RAB40C: variants seen among roughly 807,000 people sequenced by gnomAD.
RAB40C encodes ras-related protein Rab-40C.
Under a neutral mutation model 28.1 loss-of-function variants are expected in RAB40C, and 8 were observed. That is an observed-to-expected ratio of 0.28 (90% confidence interval 0.17 to 0.51). The LOEUF is 0.51. RAB40C is among the 20% of genes least tolerant of loss of function. RAB40C has a pLI of 0.97. For synonymous variants in RAB40C, 201 were observed against 171.7 expected (o/e 1.17, Z -1.34); for missense variants, 288 against 405.9 (o/e 0.71, Z 2.50).
In RAB40C at chr16:629,171, C is replaced by T. The variant is rs1422780045; in HGVS notation, c.*1549C>T. ...TTGAGGACCTGGATGGTCCTGCATT[C>T]ACGGCATCAACACTACCCGCGCTGC... On this transcript the variant is annotated 3_prime_UTR_variant, in exon 6 of 6. Transcript: ENST00000248139. 1 of 210,324 alleles carries T rather than the reference C, an allele frequency of 4.8e-6. No individual in the cohort carries two copies. The highest frequency in any genetic ancestry group is 2.3e-5 in the African/African-American group (1 of 44,160). 13.0% of individuals were successfully genotyped at this position (210,324 alleles called of 1,614,324 possible). A position where few individuals can be genotyped will look rare whatever the true frequency, so the allele number is the denominator to read the frequency against.
intron 1 of RAB40C, among the ~76,000 whole-genome samples, chr16:600,519 G>A (rs763124385): frequency 1.3e-5 from 2 of 152,198 alleles, no homozygotes; most frequent in Admixed American, 6.5e-5. Context: ...TTGGGAGGCC[G>A]AGGCGGGCGG....
intron 1 of RAB40C, among the ~76,000 whole-genome samples, chr16:609,486 C>A (rs183495468): frequency 6.6e-5 from 10 of 152,034 alleles, no homozygotes; most frequent in Admixed American, 6.6e-5. Flanking sequence ...GAGACGCCGC[C>A]GAGAGCCCCA....
chr16:613,207 C>T (rs1428238783), intron 1 of RAB40C, among the ~76,000 whole-genome samples: 2 of 138,058 alleles, frequency 1.4e-5, no homozygotes, highest in East Asian at 4.3e-4. Flanking sequence ...GTAGAATCAG[C>T]AGGGACAGCC....
rs966604529 is a variant in RAB40C at position 590,118 on chromosome 16, A to C, written c.-174A>C. On this transcript the variant is annotated 5_prime_UTR_variant, in exon 1 of 6. Transcript: ENST00000248139. ...AAGCGGCGGGGCGGCGGCGAGGCTG[A>C]GGTGCGCCCGGGCGCGGGCGGGGCG... 1.6e-5 allele frequency: 3 copies of C among 189,108 alleles called. No individual in the cohort carries two copies. Among genetic ancestry groups the C allele is most frequent in the African/African-American group, 8.1e-5 (3 of 37,164 alleles). The allele number at this position is 189,108 out of a possible 1,614,324, so 11.7% of individuals were successfully genotyped here.
intron 3 of RAB40C, among the ~76,000 whole-genome samples, chr16:622,672 A>C (rs190463874): frequency 2.0e-5 from 3 of 152,036 alleles, no homozygotes; most frequent in African/African-American, 7.2e-5. Context: ...CGTCCAGCTA[A>C]TTTTTGTATT....
At chr16:621,254 T>A (rs2036709956) in intron 3 of RAB40C, among the ~76,000 whole-genome samples, 1 of 152,212 alleles carries the variant, frequency 6.6e-6, no homozygotes, top group Non-Finnish European at 1.5e-5. Context: ...AGCCCTGTCC[T>A]GTGTCTCTCC....
At chr16:618,989 C>T (rs1322735593) in intron 3 of RAB40C, among the ~76,000 whole-genome samples, 3 of 101,084 alleles carry the variant, frequency 3.0e-5, no homozygotes, top group African/African-American at 9.2e-5. Context: ...ACAGGTCTGG[C>T]GGACGCACTG....
intron 1 of RAB40C, among the ~76,000 whole-genome samples, chr16:605,441 G>A (rs1460275252): frequency 6.6e-6 from 1 of 152,204 alleles, no homozygotes; most frequent in Non-Finnish European, 1.5e-5. Flanking sequence ...GCCTGAGAAA[G>A]CATCAGCCCT....
intron 1 of RAB40C, among the ~76,000 whole-genome samples, chr16:591,834 A>T (rs1238394920): frequency 1.3e-5 from 2 of 152,094 alleles, no homozygotes; most frequent in East Asian, 3.8e-4. Flanking sequence ...TGACCTCATG[A>T]TCTGCCCACC....
chr16:589,967 C>T (rs1483408222), upstream of RAB40C: 1 of 91,806 alleles, frequency 1.1e-5, no homozygotes, highest in African/African-American at 4.2e-5. Context: ...TGTGGAACGC[C>T]GTGAGGGCGG....
chr16:592,276 C>T (rs918058019), intron 1 of RAB40C, among the ~76,000 whole-genome samples: 8 of 152,194 alleles, frequency 5.3e-5, no homozygotes, highest in Admixed American at 1.3e-4. Context: ...AGAGTGTGGG[C>T]GCAGCATCCC....
chr16:590,821 G>A (rs570890071), intron 1 of RAB40C, among the ~76,000 whole-genome samples: 2 of 151,818 alleles, frequency 1.3e-5, no homozygotes, highest in South Asian at 2.1e-4. Flanking sequence ...GGATCATCTG[G>A]GGTCCGAGGG....
intron 1 of RAB40C, among the ~76,000 whole-genome samples, chr16:613,322 C>A (rs1423764779): frequency 6.6e-6 from 1 of 152,068 alleles, no homozygotes; most frequent in African/African-American, 2.4e-5. Context: ...GGACAGCCGC[C>A]CTCGCCTGTA....
chr16:600,081 T>C (rs1360361854), intron 1 of RAB40C, among the ~76,000 whole-genome samples: 1 of 152,226 alleles, frequency 6.6e-6, no homozygotes, highest in East Asian at 1.9e-4. Flanking sequence ...TTTTGTTCCC[T>C]TGTGGCATCA....
At chr16:604,568 A>C (rs1016270263) in intron 1 of RAB40C, among the ~76,000 whole-genome samples, 7 of 151,214 alleles carry the variant, frequency 4.6e-5, no homozygotes, top group South Asian at 2.1e-4. Flanking sequence ...AGTCTTTCTG[A>C]AGGTGTTTCT....
At chr16:622,473 G>A (rs928876535) in intron 3 of RAB40C, among the ~76,000 whole-genome samples, 2 of 149,736 alleles carry the variant, frequency 1.3e-5, no homozygotes, top group Admixed American at 6.6e-5. Context: ...CAGGGCGAGC[G>A]CGCGTCCTGA....
chr16:623,181 G>A (rs1406001146), intron 3 of RAB40C, among the ~76,000 whole-genome samples: 1 of 152,260 alleles, frequency 6.6e-6, no homozygotes, highest in Non-Finnish European at 1.5e-5. Context: ...CATCAGCCGG[G>A]AGGCGGGCCT....
In RAB40C at chr16:624,377, C is replaced by T. The variant is rs2036783304; in HGVS notation, c.265-1055C>T. ...ATTCTGAATCTTATCATTTATCGCC[C>T]ACCAGACTGACTTGGCCATCTCTGG... is the stretch of plus-strand genomic sequence containing the variant. On this transcript the variant is annotated intron_variant, in intron 3 of 5. Transcript: ENST00000248139. The T allele has an allele frequency of 8.1e-6, 8 of 985,342 alleles. No individual in the cohort carries two copies. The South Asian group carries it at 3.8e-4, about 46-fold the overall frequency. 61.0% of individuals were successfully genotyped at this position (985,342 alleles called of 1,614,324 possible).
Position 629,163 on chromosome 16 carries a change from C to G in RAB40C, c.*1541C>G, listed in dbSNP as rs1280934948. Reference sequence around the variant, plus strand: ...CACAGACTTTGAGGACCTGGATGGTCCTGCATTCACGGCATCAACACTACC... The same window carrying G: ...CACAGACTTTGAGGACCTGGATGGTGCTGCATTCACGGCATCAACACTACC... On this transcript the variant is annotated 3_prime_UTR_variant, in exon 6 of 6. Transcript: ENST00000248139. The G allele has an allele frequency of 4.8e-6, 1 of 206,416 alleles. No homozygotes were observed. The highest frequency in any genetic ancestry group is 1.0e-5 in the Non-Finnish European group (1 of 97,700). 12.8% of individuals were successfully genotyped at this position (206,416 alleles called of 1,614,324 possible). A position where few individuals can be genotyped will look rare whatever the true frequency, so the allele number is the denominator to read the frequency against.
Sources: gnomAD v4.1 joint callset for allele counts (sites outside exome capture counted in the v4.1 genomes callset) on GRCh38, gnomAD v4.1.1 for gene constraint, MANE v1.5 for transcripts, NCBI Gene and HGNC (gene_info 2026-07-23, HGNC 2026-07-21) for gene names.